The following PPFIBP1 variants were observed in gnomAD, a reference collection of about 807,000 sequenced individuals.
PPFIBP1 encodes liprin-beta-1.
A neutral mutation model predicts 137.8 loss-of-function variants in PPFIBP1; 112 were observed. The ratio of observed to expected loss-of-function variants is 0.81; its 90% CI spans 0.70 to 0.95. The LOEUF is 0.95. Ranked by LOEUF, PPFIBP1 falls within the 40% of genes least tolerant of loss-of-function variation. The pLI is 0.00. For missense variants in PPFIBP1, 1,083 were observed against 1,196.6 expected (o/e 0.91, Z 1.40); for synonymous variants, 378 against 417.3 (o/e 0.91, Z 1.15).
At chr12:27,679,839 T>C (rs1016746401) in intron 20 of PPFIBP1, 94 bp from the exon 21 acceptor site, 4 of 1,484,454 alleles carry the variant, frequency 2.7e-6, no homozygotes, top group Non-Finnish European at 3.7e-6. Context: ...CAAAGAGGAT[T>C]AGTTCCAGTA....
rs764178324 is a variant in PPFIBP1 at position 27,681,594 on chromosome 12, T to C, written c.1944T>C (p.Asn648=). ...AGTGGACCAAGGAGCAGGTTTGCAA[T>C]TGGCTGATGGAACAGGGCTTGGGCT... The part of the protein sequence containing the change: ...FAKWTKEQVC[N]WLMEQGLGSY... Residue 648 remains asparagine (N), a synonymous_variant, in exon 22 of 30, where the codon AAT becomes AAC. Coordinates refer to ENST00000228425, the MANE Select transcript of PPFIBP1 (RefSeq NM_003622.4). The C allele has an allele frequency of 2.1e-5, 34 of 1,614,052 alleles. No individual in the cohort carries two copies. The highest frequency in any genetic ancestry group is 1.1e-5 in the Non-Finnish European group (13 of 1,180,002).
chr12:27,659,328 A>T (rs2059402171), intron 10 of PPFIBP1, among the ~76,000 whole-genome samples: 1 of 152,202 alleles, frequency 6.6e-6, no homozygotes, highest in Admixed American at 6.5e-5. Context: ...CAGCTGATTC[A>T]TGGAGCCTGA....
At chr12:27,574,751 G>A (rs2050422980) in intron 1 of PPFIBP1, among the ~76,000 whole-genome samples, 1 of 152,138 alleles carries the variant, frequency 6.6e-6, no homozygotes, top group Non-Finnish European at 1.5e-5. Context: ...TGGACTGCCT[G>A]GGTTCTGGTC....
chr12:27,651,567 C>T (rs1317722588), intron 7 of PPFIBP1, among the ~76,000 whole-genome samples: 2 of 152,164 alleles, frequency 1.3e-5, no homozygotes, highest in Non-Finnish European at 2.9e-5. Context: ...CCTCTTTCCC[C>T]TCTTTTTGTC....
intron 2 of PPFIBP1, among the ~76,000 whole-genome samples, chr12:27,618,062 T>G (rs1472385774): frequency 6.6e-6 from 1 of 152,224 alleles, no homozygotes; most frequent in Non-Finnish European, 1.5e-5. Context: ...AAACAAAATC[T>G]AAGTTGATTC....
chr12:27,567,335 A>G (rs2049766758), intron 1 of PPFIBP1, among the ~76,000 whole-genome samples: 1 of 152,226 alleles, frequency 6.6e-6, no homozygotes. Flanking sequence ...ATTTAAACAA[A>G]TGGTTTTTAG....
chr12:27,638,580 C>T (rs764882550), intron 4 of PPFIBP1, among the ~76,000 whole-genome samples: 28 of 152,138 alleles, frequency 1.8e-4, no homozygotes, highest in Non-Finnish European at 2.9e-4. Flanking sequence ...ATGCTGAGCA[C>T]TTATTGATAT....
chr12:27,653,069 T>G (rs1240504940), intron 7 of PPFIBP1, among the ~76,000 whole-genome samples: 4 of 121,892 alleles, frequency 3.3e-5, no homozygotes, highest in Admixed American at 2.7e-4. Flanking sequence ...AGACCACAAT[T>G]TAAAAGCCTA....
chr12:27,569,193 A>C (rs1246580776), intron 1 of PPFIBP1, among the ~76,000 whole-genome samples: 1 of 152,186 alleles, frequency 6.6e-6, no homozygotes, highest in African/African-American at 2.4e-5. Flanking sequence ...CCCGCTTTAA[A>C]GCCTTCTGCA....
At chr12:27,611,560 A>T (rs529185023) in intron 2 of PPFIBP1, among the ~76,000 whole-genome samples, 1 of 152,234 alleles carries the variant, frequency 6.6e-6, no homozygotes, top group Non-Finnish European at 1.5e-5. Context: ...TTGAAAGGAC[A>T]TAATTAAACA....
intron 2 of PPFIBP1, among the ~76,000 whole-genome samples, chr12:27,582,327 CTT>C (rs1393624858): frequency 1.3e-5 from 2 of 152,128 alleles, no homozygotes; most frequent in Non-Finnish European, 2.9e-5. Context: ...TCTCTGATGA[CTT>C]TTAAATATAT....
chr12:27,654,062 A>G (rs527795666), intron 7 of PPFIBP1, among the ~76,000 whole-genome samples: 3 of 152,226 alleles, frequency 2.0e-5, no homozygotes, highest in African/African-American at 7.2e-5. Flanking sequence ...TTGTGATGTT[A>G]TATATGACGA....
chr12:27,531,487 G>A (rs1944420416), intron 1 of PPFIBP1, among the ~76,000 whole-genome samples: 1 of 149,190 alleles, frequency 6.7e-6, no homozygotes, highest in Non-Finnish European at 1.5e-5. Flanking sequence ...ATTTTTAGTA[G>A]AGACAGGGTT....
At chr12:27,586,176 G>GC (rs2051725595) in intron 2 of PPFIBP1, among the ~76,000 whole-genome samples, 1 of 152,182 alleles carries the variant, frequency 6.6e-6, no homozygotes, top group Admixed American at 6.5e-5. Context: ...GAGAAGTTAA[G>GC]TAACTTCCCC....
At chr12:27,543,505 A>G (rs895589000) in intron 1 of PPFIBP1, among the ~76,000 whole-genome samples, 2 of 152,204 alleles carry the variant, frequency 1.3e-5, no homozygotes, top group African/African-American at 4.8e-5. Context: ...CCGTTGCCCT[A>G]TGGTTTTTTC....
chr12:27,617,671 A>G (rs765759739), intron 2 of PPFIBP1, among the ~76,000 whole-genome samples: 5 of 152,234 alleles, frequency 3.3e-5, no homozygotes, highest in African/African-American at 9.6e-5. Context: ...TGCAAATGCT[A>G]TATAAATAGT....
chr12:27,631,202 A>G (rs904758929), intron 2 of PPFIBP1, among the ~76,000 whole-genome samples: 17 of 152,176 alleles, frequency 1.1e-4, no homozygotes, highest in South Asian at 2.1e-4. Context: ...ATTGGTTGAA[A>G]ACATTTCTGC....
chr12:27,593,059 G>T (rs1461488737), intron 2 of PPFIBP1, among the ~76,000 whole-genome samples: 1 of 141,694 alleles, frequency 7.1e-6, no homozygotes, highest in Non-Finnish European at 1.5e-5. Context: ...TTGAGCACGG[G>T]AAGTAGAGGT....
At chr12:27,595,480 A>C (rs1375223991) in intron 2 of PPFIBP1, among the ~76,000 whole-genome samples, 5 of 152,182 alleles carry the variant, frequency 3.3e-5, no homozygotes, top group African/African-American at 1.2e-4. Context: ...GAAAGACCTG[A>C]ATTAGAGCCA....
Sources: gnomAD v4.1 joint callset for allele counts (sites outside exome capture counted in the v4.1 genomes callset) on GRCh38, gnomAD v4.1.1 for gene constraint, MANE v1.5 for transcripts, NCBI Gene and HGNC (gene_info 2026-07-23, HGNC 2026-07-21) for gene names.